RABGAP1L: variants seen among roughly 807,000 people sequenced by gnomAD.
The protein encoded by RABGAP1L is rab GTPase-activating protein 1-like.
RABGAP1L carries 63 observed loss-of-function variants against 137.7 expected under a neutral mutation model. The observed-to-expected ratio is 0.46, with a 90% CI of 0.37 to 0.56. The LOEUF (loss-of-function observed/expected upper bound fraction) is 0.56, where lower values mean the gene tolerates loss of function less well. RABGAP1L is among the 20% of genes least tolerant of loss of function. The probability of loss-of-function intolerance (pLI) is 0.00; values close to 1 mark genes in which losing one functional copy is unlikely to be tolerated. For synonymous variants in RABGAP1L, 431 were observed against 433.7 expected, an observed-to-expected ratio of 0.99 and a Z score of 0.08; for missense variants, 1,095 against 1,244.0, an observed-to-expected ratio of 0.88 and a Z score of 1.80.
At chr1:174,224,146 A>T (rs943471219) in intron 3 of RABGAP1L, among the ~76,000 whole-genome samples, 8 of 152,206 alleles carry the variant, frequency 5.3e-5, no homozygotes, top group Admixed American at 2.6e-4. Flanking sequence ...AAGCCAAATC[A>T]CAAAAGGAAA....
In RABGAP1L at chr1:174,465,480, A is replaced by G. The variant is rs1243644945; in HGVS notation, c.1710+71335A>G. Among the ~76,000 whole-genome samples, 4 of 151,834 alleles carry G rather than the reference A, an allele frequency of 2.6e-5. No homozygotes were observed. The East Asian group carries it at 5.8e-4, about 22-fold the overall frequency. On this transcript the variant is annotated intron_variant, in intron 13 of 25. Coordinates refer to ENST00000681986, the MANE Select transcript of RABGAP1L (RefSeq NM_001366446.1). Reference sequence around the variant, plus strand: ...CTCCCAAAGTGCTGGGATTACAGGCATGAGCCACCATGCCCGGCCTATTGA... The same window carrying G: ...CTCCCAAAGTGCTGGGATTACAGGCGTGAGCCACCATGCCCGGCCTATTGA...
intron 24 of RABGAP1L, among the ~76,000 whole-genome samples, chr1:174,984,189 C>A (rs1275206489): frequency 6.6e-6 from 1 of 152,122 alleles, no homozygotes; most frequent in Non-Finnish European, 1.5e-5. Flanking sequence ...GTCCCCACCC[C>A]CAACAACAGG....
At chr1:174,366,678 G>T (rs910973721) in intron 11 of RABGAP1L, among the ~76,000 whole-genome samples, 26 of 149,488 alleles carry the variant, frequency 1.7e-4, no homozygotes, top group African/African-American at 6.3e-4. Flanking sequence ...CGGAGGCTGA[G>T]ACAGGAGAAT....
chr1:174,747,402 TAA>T (rs35889834), intron 17 of RABGAP1L, among the ~76,000 whole-genome samples: 193 of 81,920 alleles, frequency 2.4e-3, no homozygotes, highest in African/African-American at 6.7e-3. Flanking sequence ...ATTCTATCTC[TAA>T]AAAAAAAAAA....
chr1:174,526,489 C>T (rs1476123762), intron 13 of RABGAP1L, among the ~76,000 whole-genome samples: 1 of 152,080 alleles, frequency 6.6e-6, no homozygotes, highest in African/African-American at 2.4e-5. Context: ...TGTTGGGAGA[C>T]ATTTTAATTA....
chr1:174,896,761 A>G (rs1241720320), intron 19 of RABGAP1L, among the ~76,000 whole-genome samples: 2 of 152,112 alleles, frequency 1.3e-5, no homozygotes, highest in South Asian at 2.1e-4. Flanking sequence ...GATGTGTGGT[A>G]TTATTTCTGA....
intron 22 of RABGAP1L, 65 bp downstream of exon 22, chr1:174,976,247 A>G (rs1179508231): frequency 2.3e-6 from 3 of 1,285,128 alleles, no homozygotes; most frequent in Non-Finnish European, 3.3e-6. Flanking sequence ...AACACTATAA[A>G]AAAGAAGGAA....
intron 13 of RABGAP1L, chr1:174,547,844 T>A: frequency 6.5e-7 from 1 of 1,527,858 alleles, no homozygotes; most frequent in Non-Finnish European, 8.9e-7. Context: ...TAGCAACAGA[T>A]GAAATTTAGT....
At chr1:174,737,061 A>G (rs1683013344) in intron 17 of RABGAP1L, among the ~76,000 whole-genome samples, 1 of 151,912 alleles carries the variant, frequency 6.6e-6, no homozygotes, top group South Asian at 2.1e-4. Flanking sequence ...TAGTTATGCT[A>G]CTCTCTTTAG....
In RABGAP1L at chr1:174,176,949, G is replaced by A. The variant is rs547427808; in HGVS notation, c.-34+17292G>A. On this transcript the variant is annotated intron_variant, in intron 1 of 25. Transcript: ENST00000681986. ...AAATTAGCTGGGCATGGTGGTGGGC[G>A]CCTGTAATCCCAGCTACTCGGGAGG... Among the ~76,000 whole-genome samples, 47 of 151,990 alleles carry A rather than the reference G, an allele frequency of 3.1e-4. 1 individual carries two copies. The East Asian group carries it at 5.4e-3, about 18-fold the overall frequency.
chr1:174,582,919 A>G (rs1325952333), intron 13 of RABGAP1L, among the ~76,000 whole-genome samples: 1 of 152,154 alleles, frequency 6.6e-6, no homozygotes, highest in East Asian at 1.9e-4. Context: ...TCTTTTCTTA[A>G]CCAAAAATAG....
At chr1:174,194,653 C>A (rs1015259147) in intron 1 of RABGAP1L, among the ~76,000 whole-genome samples, 3 of 152,174 alleles carry the variant, frequency 2.0e-5, no homozygotes, top group Non-Finnish European at 4.4e-5. Context: ...AGATTGTTAT[C>A]AGTTACCTGA....
At chr1:174,971,068 C>T (rs1670091950) in intron 21 of RABGAP1L, among the ~76,000 whole-genome samples, 1 of 151,736 alleles carries the variant, frequency 6.6e-6, no homozygotes, top group African/African-American at 2.4e-5. Context: ...GGAAATACAT[C>T]AAAATGTTAC....
chr1:174,227,148 A>G (rs1013189273), intron 3 of RABGAP1L, among the ~76,000 whole-genome samples: 1 of 152,018 alleles, frequency 6.6e-6, no homozygotes, highest in African/African-American at 2.4e-5. Flanking sequence ...TTGGCCCACC[A>G]AACCTAAAAT....
Position 174,891,865 on chromosome 1 carries a change from A to G in RABGAP1L, c.2341-65592A>G, listed in dbSNP as rs76344638. 6.6e-5 allele frequency among the ~76,000 whole-genome samples: 10 copies of G among 152,360 alleles called. No individual in the cohort carries two copies. In the East Asian group the frequency reaches 1.3e-3, roughly 21 times the overall value. The stretch of plus-strand genomic sequence containing the variant: ...AGGATTCAAATAATATGTTGACTAT[A>G]GAAAATTTTGAAAACACATAGAAAT... On this transcript the variant is annotated intron_variant, in intron 19 of 25. Coordinates refer to ENST00000681986, the MANE Select transcript of RABGAP1L (RefSeq NM_001366446.1).
chr1:174,588,729 T>A (rs12082012), intron 13 of RABGAP1L, among the ~76,000 whole-genome samples: 2 of 151,878 alleles, frequency 1.3e-5, no homozygotes, highest in East Asian at 3.9e-4. Flanking sequence ...TTTTATTTCA[T>A]TTAACATAAT....
chr1:174,772,597 A>G (rs1411141455), intron 18 of RABGAP1L, among the ~76,000 whole-genome samples: 2 of 148,098 alleles, frequency 1.4e-5, no homozygotes, highest in African/African-American at 5.0e-5. Flanking sequence ...AAAAAAGTAC[A>G]GTTTTAACCA....
chr1:174,364,444 C>T (rs1409253008), intron 11 of RABGAP1L, among the ~76,000 whole-genome samples: 6 of 150,164 alleles, frequency 4.0e-5, no homozygotes, highest in Non-Finnish European at 8.9e-5. Context: ...TTAGTAGAGA[C>T]GGGGTTTCAC....
At chr1:174,225,192 G>A (rs1458648339) in intron 3 of RABGAP1L, among the ~76,000 whole-genome samples, 3 of 151,608 alleles carry the variant, frequency 2.0e-5, no homozygotes, top group African/African-American at 4.8e-5. Context: ...TATTGAGATC[G>A]TCTGATGAAT....
Sources: gnomAD v4.1 joint callset for allele counts (sites outside exome capture counted in the v4.1 genomes callset) on GRCh38, gnomAD v4.1.1 for gene constraint, MANE v1.5 for transcripts, NCBI Gene and HGNC (gene_info 2026-07-23, HGNC 2026-07-21) for gene names.